Variants in DST observed in about 807,000 individuals in gnomAD.
DST encodes the protein bullous pemphigoid antigen.
A neutral mutation model predicts 875.2 loss-of-function variants in DST; 253 were observed. That is an observed-to-expected ratio of 0.29 (90% CI 0.26 to 0.32). DST has a LOEUF of 0.32. Among genes scored for constraint, DST ranks in the 10% least tolerant of loss-of-function variants. The pLI is 1.00. For missense variants in DST, 8,287 were observed against 9,111.6 expected, an observed-to-expected ratio of 0.91 and a Z score of 3.68; for synonymous variants, 3,124 against 3,197.1, an observed-to-expected ratio of 0.98 and a Z score of 0.77.
At chr6:56,511,829 AAAAG>A (rs1200894428) in intron 72 of DST, among the ~76,000 whole-genome samples, 1 of 151,778 alleles carries the variant, frequency 6.6e-6, no homozygotes, top group Non-Finnish European at 1.5e-5. Context: ...AGAAGAAAGA[AAAAG>A]AGAGAGAGAG....
intron 4 of DST, among the ~76,000 whole-genome samples, chr6:56,807,234 C>G (rs1427145602): frequency 6.6e-6 from 1 of 152,088 alleles, no homozygotes; most frequent in Non-Finnish European, 1.5e-5. Context: ...CCATGTTGTC[C>G]AGATTGGTCT....
rs776714672 is a variant in DST, at chr6:56,532,393, T to G, written c.17059A>C (p.Ser5687Arg). 1 of 1,613,628 alleles carries G rather than the reference T, an allele frequency of 6.2e-7. No individual in the cohort carries two copies. The highest frequency in any genetic ancestry group is 1.3e-5 in the African/African-American group (1 of 74,926). ...ADKVKILKQL[S>R]LLDSRWEALL... ...GCCTCCCATCTGCTATCCAAGAGAC[T>G]GAGCTGTTTCAAAATCTTCACTTTA... Residue 5687 changes from serine to arginine, a missense_variant, in exon 64 of 104, where the codon AGT becomes CGT. Coordinates refer to ENST00000680361, the MANE Select transcript of DST (RefSeq NM_001374736.1).
In DST at chr6:56,640,072, ATAC is replaced by A. The variant is rs769434197; in HGVS notation, c.2491-18_2491-16del. 3.7e-6 allele frequency: 6 copies of A among 1,614,070 alleles called. No homozygotes were observed. Among genetic ancestry groups the A allele is most frequent in the Non-Finnish European group, 4.2e-6 (5 of 1,179,962 alleles). ...TCCAGTTGTACCTTCAGACAGTAAA[ATAC>A]TAAGTTTAAAAAAGAAATTGATAAC... On this transcript the variant is annotated splice_polypyrimidine_tract_variant and intron_variant, in intron 18 of 103. Transcript: ENST00000680361.
intron 49 of DST, among the ~76,000 whole-genome samples, chr6:56,583,740 T>G (rs1407223599): frequency 2.0e-5 from 3 of 152,358 alleles, no homozygotes; most frequent in Non-Finnish European, 4.4e-5. Context: ...GTCTAACATT[T>G]AAGTATTTAA....
rs557747494 is a variant in DST, at chr6:56,772,432, A to G, written c.626-37143T>C. Among the ~76,000 whole-genome samples, 21 of 152,278 alleles carry G rather than the reference A, an allele frequency of 1.4e-4. No homozygotes were observed. The South Asian group carries it at 4.4e-3, about 32-fold the overall frequency. On this transcript the variant is annotated intron_variant, in intron 4 of 103. Coordinates refer to ENST00000680361, the MANE Select transcript of DST (RefSeq NM_001374736.1). Reference sequence around the variant, plus strand: ...GCATGGCAGAGCAGAAACGGCACATACTGCAAGCTAACTCTCTTCGATCTG... The same window carrying G: ...GCATGGCAGAGCAGAAACGGCACATGCTGCAAGCTAACTCTCTTCGATCTG...
intron 55 of DST, among the ~76,000 whole-genome samples, chr6:56,562,457 T>G (rs1217802981): frequency 6.6e-6 from 1 of 151,842 alleles, no homozygotes; most frequent in Non-Finnish European, 1.5e-5. Flanking sequence ...AAATATTAAT[T>G]CATAAAAATT....
At chr6:56,750,496 T>A (rs1477608950) in intron 4 of DST, among the ~76,000 whole-genome samples, 1 of 152,194 alleles carries the variant, frequency 6.6e-6, no homozygotes, top group Non-Finnish European at 1.5e-5. Flanking sequence ...TTGCCTACTA[T>A]GAGAAGAGTG....
Position 56,552,854 on chromosome 6 carries a change from G to A in DST, c.15938C>T (p.Thr5313Ile), listed in dbSNP as rs771402949. ...TGATTTCTGCTGAGTTTGCAACATG[G>A]TCAGGTATTTGTTACTGTAAGCCTG... ...GSQAYSNKYL[T>I]MLQTQQKSLQ... Residue 5313 changes from threonine to isoleucine, a missense_variant, in exon 61 of 104, where the codon ACC becomes ATC. This residue lies in a region of DST where 1,513 missense variants were observed against 1,677.8 expected (regional missense o/e 0.90). Coordinates refer to ENST00000680361, the MANE Select transcript of DST (RefSeq NM_001374736.1). The A allele has an allele frequency of 6.2e-6, 10 of 1,613,598 alleles. No individual in the cohort carries two copies. Among genetic ancestry groups the A allele is most frequent in the Admixed American group, 1.7e-5 (1 of 60,012 alleles).
intron 7 of DST, 95 bp from the exon 8 acceptor site, chr6:56,702,060 A>G (rs1415529561): frequency 1.4e-6 from 1 of 736,284 alleles, no homozygotes; most frequent in Non-Finnish European, 2.3e-6. Flanking sequence ...ATATATCAAA[A>G]CAGTATTTAC....
intron 4 of DST, chr6:56,843,395 C>G (rs2099802892): frequency 8.9e-7 from 1 of 1,128,968 alleles, no homozygotes. Flanking sequence ...GAGCCCGAGT[C>G]CCTCTCGGGT....
intron 4 of DST, among the ~76,000 whole-genome samples, chr6:56,806,348 T>C (rs1390688560): frequency 1.3e-5 from 2 of 152,006 alleles, no homozygotes; most frequent in South Asian, 2.1e-4. Context: ...CATAAACACA[T>C]AGTAGGAGAG....
chr6:56,487,008 A>G (rs1197197995), intron 87 of DST, 96 bp downstream of exon 87: 1 of 1,200,216 alleles, frequency 8.3e-7, no homozygotes, highest in Non-Finnish European at 1.2e-6. Context: ...GGCAAAGGAA[A>G]TATTTAAGGT....
At chr6:56,538,965 T>C (rs2097069160) in intron 61 of DST, among the ~76,000 whole-genome samples, 1 of 152,108 alleles carries the variant, frequency 6.6e-6, no homozygotes, top group Non-Finnish European at 1.5e-5. Context: ...TTCTAAGTTA[T>C]AACTTCCAGG....
intron 3 of DST, among the ~76,000 whole-genome samples, chr6:56,873,965 C>T (rs1778513602): frequency 6.6e-6 from 1 of 152,102 alleles, no homozygotes; most frequent in African/African-American, 2.4e-5. Flanking sequence ...ACATGTAAGC[C>T]AGCTTCAGTG....
rs759629888 is a variant in DST, at chr6:56,527,615, G to T, written c.17800C>A (p.Arg5934=). The T allele has an allele frequency of 1.2e-6, 2 of 1,613,792 alleles. No individual in the cohort carries two copies. Among genetic ancestry groups the T allele is most frequent in the East Asian group, 2.2e-5 (1 of 44,882 alleles). ...AGCTCTTCGTGTGTGGAGTGCAGCC[G>T]CCTTGCAAGCTGCAGCGCCTGTTCC... ...TLEQALQLAR[R]LHSTHEELCT... The change falls in exon 68 of 104, where the codon CGG becomes AGG. Residue 5934 remains arginine, a synonymous_variant. Coordinates refer to ENST00000680361, the MANE Select transcript of DST (RefSeq NM_001374736.1).
chr6:56,531,783 G>C (rs763213465), intron 64 of DST, among the ~76,000 whole-genome samples: 69 of 152,216 alleles, frequency 4.5e-4, no homozygotes, highest in Admixed American at 4.5e-3. Context: ...ACACCCAGTG[G>C]AGCCAGGCTC....
intron 4 of DST, among the ~76,000 whole-genome samples, chr6:56,781,976 A>G (rs2099695070): frequency 1.3e-5 from 2 of 152,294 alleles, no homozygotes; most frequent in African/African-American, 4.8e-5. Context: ...ATCTATTGAG[A>G]TAATCATGTG....
intron 4 of DST, among the ~76,000 whole-genome samples, chr6:56,775,767 TA>T (rs1373313401): frequency 2.6e-5 from 4 of 152,184 alleles, no homozygotes; most frequent in African/African-American, 9.7e-5. Context: ...ACAAAACAAG[TA>T]GCATAACATT....
Position 56,561,352 on chromosome 6 carries a change from G to A in DST, c.14266C>T (p.Pro4756Ser), listed in dbSNP as rs751065169. The A allele has an allele frequency of 6.2e-7, 1 of 1,613,640 alleles. No individual in the cohort carries two copies. The highest frequency in any genetic ancestry group is 1.7e-5 in the Admixed American group (1 of 59,966). ...GTCTTCACAGCTTCAGTATCTGTAG[G>A]TGCAGGTGTCTGCTGCCATTTTGTT... ...TATKWQQTPA[P>S]TDTEAVKTQV... Residue 4756 changes from proline to serine, a missense_variant, in exon 57 of 104, where the codon CCT (proline) becomes TCT (serine). Coordinates refer to ENST00000680361, the MANE Select transcript of DST (RefSeq NM_001374736.1).
Sources: allele counts gnomAD v4.1 joint callset (sites outside exome capture counted in the v4.1 genomes callset), GRCh38; gene constraint gnomAD v4.1.1; regional missense constraint gnomAD v4.1.1; transcripts MANE v1.5; gene names NCBI Gene and HGNC (gene_info 2026-07-23, HGNC 2026-07-21).